SCAF11: variants seen among roughly 807,000 people sequenced by gnomAD.
SCAF11 encodes the protein protein SCAF11.
A neutral mutation model predicts 140.5 loss-of-function variants in SCAF11; 47 were observed. The observed-to-expected ratio is 0.33, with a 90% CI of 0.26 to 0.43. The LOEUF (loss-of-function observed/expected upper bound fraction) is 0.43. Among genes scored for constraint, SCAF11 ranks in the 20% least tolerant of loss-of-function variants. SCAF11 has a pLI of 1.00. For synonymous variants in SCAF11, 557 were observed against 579.4 expected (o/e 0.96, Z 0.55); for missense variants, 1,645 against 1,705.1 (o/e 0.96, Z 0.62).
At position 45,961,439 on chromosome 12, in the gene SCAF11, A is replaced by G. The variant is rs1008099256; in HGVS notation, c.219+261T>C. 3.7e-5 allele frequency: 23 copies of G among 628,696 alleles called. No individual in the cohort carries two copies. In the African/African-American group the frequency reaches 3.7e-4, roughly 10 times the overall value. 38.9% of individuals were successfully genotyped at this position (628,696 alleles called of 1,614,324 possible). On this transcript the variant is annotated intron_variant, in intron 3 of 14. Coordinates refer to ENST00000369367, the MANE Select transcript of SCAF11 (RefSeq NM_004719.3). The stretch of plus-strand genomic sequence containing the variant: ...ATTAATTACTGCATTTCTACCAGAA[A>G]AAAAGTTTGATCTGTTCTTCCTATA...
chr12:45,928,215 C>T lies in SCAF11; in HGVS notation c.1486G>A (p.Glu496Lys), dbSNP rs762642842. 25 of 1,613,850 alleles carry T rather than the reference C, an allele frequency of 1.5e-5. No individual in the cohort carries two copies. The South Asian group carries it at 1.9e-4, about 12-fold the overall frequency. ...VGEEGEVKKL[E>K]NTGIEANVLC... ...ACATTAGCCTCTATACCTGTATTCT[C>T]GAGTTTTTTAACTTCCCCTTCCTCA... The change falls in exon 11 of 15, where the codon GAG becomes AAG. Residue 496 changes from glutamate to lysine, a missense_variant. Coordinates refer to ENST00000369367, the MANE Select transcript of SCAF11 (RefSeq NM_004719.3).
At chr12:45,983,748 C>CACACACACAA (rs1233306261) in intron 1 of SCAF11, among the ~76,000 whole-genome samples, 1 of 142,354 alleles carries the variant, frequency 7.0e-6, no homozygotes, top group Non-Finnish European at 1.5e-5. Context: ...CTAAAACACA[C>CACACACACAA]ACACACACAC....
intron 1 of SCAF11, among the ~76,000 whole-genome samples, chr12:45,973,919 A>C (rs1036939850): frequency 6.6e-6 from 1 of 152,252 alleles, no homozygotes; most frequent in African/African-American, 2.4e-5. Context: ...GAGCAAACAT[A>C]GTTAACTATT....
chr12:45,978,667 T>C (rs1263099680), intron 1 of SCAF11, among the ~76,000 whole-genome samples: 1 of 152,124 alleles, frequency 6.6e-6, no homozygotes, highest in Non-Finnish European at 1.5e-5. Flanking sequence ...GAAGAACTGG[T>C]GAATTTTTAT....
rs10880867 is a variant in SCAF11, at chr12:45,920,609, A to G, written c.*1439T>C. 43,657 of 150,286 alleles carry G rather than the reference A, an allele frequency of 0.29. 6,458 individuals carry two copies. Among genetic ancestry groups the G allele is most frequent in the South Asian group, 0.36 (1,561 of 4,372 alleles). 9.3% of individuals were successfully genotyped at this position (150,286 alleles called of 1,614,324 possible). On this transcript the variant is annotated 3_prime_UTR_variant, in exon 15 of 15. Transcript: ENST00000369367. Reference sequence around the variant, plus strand: ...GAGATATTCTAGTATTAAAAAGAGAAAAAAAAAAAAACCCAAATCCCTAAT... The same window carrying G: ...GAGATATTCTAGTATTAAAAAGAGAGAAAAAAAAAAACCCAAATCCCTAAT...
intron 4 of SCAF11, among the ~76,000 whole-genome samples, chr12:45,949,443 CAATT>C (rs1469032710): frequency 2.0e-5 from 3 of 151,958 alleles, no homozygotes; most frequent in Non-Finnish European, 2.9e-5. Context: ...ATATATCATT[CAATT>C]TATTTCATTT....
At chr12:45,962,185 A>C (rs1229476363) in intron 2 of SCAF11, among the ~76,000 whole-genome samples, 1 of 152,150 alleles carries the variant, frequency 6.6e-6, no homozygotes, top group African/African-American at 2.4e-5. Context: ...ACAACTGTTA[A>C]ATTTCTTTTG....
intron 4 of SCAF11, among the ~76,000 whole-genome samples, chr12:45,949,597 T>G (rs1163130204): frequency 2.0e-5 from 3 of 151,988 alleles, no homozygotes; most frequent in Admixed American, 6.6e-5. Flanking sequence ...GAAACATATT[T>G]AAGACATTGA....
At chr12:45,985,861 C>A (rs574738421) in intron 1 of SCAF11, among the ~76,000 whole-genome samples, 1 of 152,262 alleles carries the variant, frequency 6.6e-6, no homozygotes, top group Admixed American at 6.5e-5. Flanking sequence ...CACATTGTTA[C>A]ACTCAACAGA....
chr12:45,955,400 C>T (rs1945662504), intron 3 of SCAF11: 1 of 152,034 alleles, frequency 6.6e-6, no homozygotes, highest in Admixed American at 6.6e-5. Flanking sequence ...TTGGCCCACC[C>T]CGGCCTCCCA....
chr12:45,972,967 T>G (rs770826088), intron 1 of SCAF11, among the ~76,000 whole-genome samples: 71 of 135,972 alleles, frequency 5.2e-4, no homozygotes, highest in Non-Finnish European at 6.7e-4. Flanking sequence ...TAGATATATA[T>G]ATAGATATAT....
chr12:45,921,466 T>C lies in SCAF11; in HGVS notation c.*582A>G, dbSNP rs554906897. 1 of 152,680 alleles carries C rather than the reference T, an allele frequency of 6.5e-6. No homozygotes were observed. Among genetic ancestry groups the C allele is most frequent in the South Asian group, 2.1e-4 (1 of 4,834 alleles). The allele number at this position is 152,680 out of a possible 1,614,324, so 9.5% of individuals were successfully genotyped here. On this transcript the variant is annotated 3_prime_UTR_variant, in exon 15 of 15. Transcript: ENST00000369367. ...ATAGGTGAAGAGTGTCTCAATGTTTTGAACACTAAATTTTACTCGTGATAA... is the reference window on the plus strand; with the variant it reads ...ATAGGTGAAGAGTGTCTCAATGTTTCGAACACTAAATTTTACTCGTGATAA...
chr12:45,953,946 A>G lies in SCAF11; in HGVS notation c.220-2219T>C, dbSNP rs560631247. The G allele has an allele frequency of 1.6e-5, 11 of 674,280 alleles. No homozygotes were observed. In the African/African-American group the frequency reaches 2.1e-4, roughly 13 times the overall value. 41.8% of individuals were successfully genotyped at this position (674,280 alleles called of 1,614,324 possible). On this transcript the variant is annotated intron_variant, in intron 3 of 14. Coordinates refer to ENST00000369367, the MANE Select transcript of SCAF11 (RefSeq NM_004719.3). The stretch of plus-strand genomic sequence containing the variant: ...ACAAAAAAACTTGGTTAATTAACAA[A>G]AGACAACCACAATATGATACATATA...
At position 45,926,468 on chromosome 12, in the gene SCAF11, C is replaced by T. The variant is rs370077453; in HGVS notation, c.3233G>A (p.Arg1078His). ...ACTACTTCTGTAAGTGCCTCTGCCA[C>T]GGTTGCCTCTGCCTCTACCACGGTT... ...VSNRGRGRGN[R>H]GRGTYRSSFA... The change falls in exon 11 of 15, where the codon CGT becomes CAT. Residue 1078 changes from arginine to histidine, a missense_variant. By Grantham distance (29) the Arg-to-His change is conservative. Transcript: ENST00000369367. 6.6e-5 allele frequency: 107 copies of T among 1,614,070 alleles called. No individual in the cohort carries two copies. Among genetic ancestry groups the T allele is most frequent in the African/African-American group, 8.0e-5 (6 of 74,932 alleles).
intron 4 of SCAF11, among the ~76,000 whole-genome samples, chr12:45,951,352 T>C (rs1945545028): frequency 6.6e-6 from 1 of 152,176 alleles, no homozygotes; most frequent in Non-Finnish European, 1.5e-5. Context: ...AAATGTTAAG[T>C]ATTTTATAAT....
intron 3 of SCAF11, among the ~76,000 whole-genome samples, chr12:45,954,193 C>T (rs2136586417): frequency 6.6e-6 from 1 of 152,246 alleles, no homozygotes; most frequent in African/African-American, 2.4e-5. Context: ...CCTCTACTGA[C>T]ATCAGCTAAA....
At chr12:45,943,448 C>G (rs1945352162) in intron 6 of SCAF11, among the ~76,000 whole-genome samples, 1 of 152,158 alleles carries the variant, frequency 6.6e-6, no homozygotes. Flanking sequence ...GCTCACCTAA[C>G]TTTTATTACA....
Position 45,928,593 on chromosome 12 carries a change from G to C in SCAF11, c.1108C>G (p.Gln370Glu). The change falls in exon 11 of 15, where the codon CAG becomes GAG. Residue 370 changes from glutamine (Q) to glutamate (E), a missense_variant. By Grantham distance (29) the Gln-to-Glu change is conservative. This residue lies in a region of SCAF11 where 1,582 missense variants were observed against 1,609.2 expected (regional missense o/e 0.98). Coordinates refer to ENST00000369367, the MANE Select transcript of SCAF11 (RefSeq NM_004719.3). ...SSAESEKQTRQAPKRKSVRRG... is the reference protein window; with the variant it reads ...SSAESEKQTREAPKRKSVRRG... ...CTTACAGACTTCCGTTTTGGAGCCT[G>C]TCTTGTTTGCTTTTCTGACTCAGCT... is the stretch of plus-strand genomic sequence containing the variant. 1 of 1,614,114 alleles carries C rather than the reference G, an allele frequency of 6.2e-7. No homozygotes were observed. Among genetic ancestry groups the C allele is most frequent in the South Asian group, 1.1e-5 (1 of 91,082 alleles).
rs1946568528 is a variant in SCAF11, at chr12:45,990,377, G to A, written c.-46C>T. The stretch of plus-strand genomic sequence containing the variant: ...CCTCAGACCGAGGTCGAGGCGCTCG[G>A]TCCGGCCGCGGCCCCACAGTAGGTT... On this transcript the variant is annotated 5_prime_UTR_variant, in exon 1 of 15. Coordinates refer to ENST00000369367, the MANE Select transcript of SCAF11 (RefSeq NM_004719.3). The A allele has an allele frequency of 5.7e-6, 7 of 1,232,164 alleles. No individual in the cohort carries two copies. Among genetic ancestry groups the A allele is most frequent in the African/African-American group, 1.6e-5 (1 of 64,420 alleles). 76.3% of individuals were successfully genotyped at this position (1,232,164 alleles called of 1,614,324 possible).
Sources: allele counts gnomAD v4.1 joint callset (sites outside exome capture counted in the v4.1 genomes callset), GRCh38; gene constraint gnomAD v4.1.1; regional missense constraint gnomAD v4.1.1; transcripts MANE v1.5; gene names NCBI Gene and HGNC (gene_info 2026-07-23, HGNC 2026-07-21).